Variants in SAMD11 observed in about 807,000 individuals in gnomAD.
SAMD11 encodes the protein sterile alpha motif domain-containing protein 11.
Under a neutral mutation model 64.4 loss-of-function variants are expected in SAMD11, and 77 were observed. The observed-to-expected ratio is 1.20, with a 90% CI of 0.99 to 1.44. SAMD11 has a LOEUF of 1.44. Ranked by LOEUF, SAMD11 falls within the 40% of genes most tolerant of loss-of-function variation. SAMD11 has a pLI of 0.00. For synonymous variants in SAMD11, 658 were observed against 421.9 expected (o/e 1.56, Z -6.86); for missense variants, 1,402 against 943.3 (o/e 1.49, Z -6.37).
chr1:941,388 G>GA, intron 8 of SAMD11, 82 bp downstream of exon 8: 2 of 1,339,480 alleles, frequency 1.5e-6, no homozygotes, highest in Non-Finnish European at 2.0e-6. Context: ...CACGCGCCCC[G>GA]AGAGTGCCAA....
intron 5 of SAMD11, among the ~76,000 whole-genome samples, chr1:937,648 C>T (rs1303785119): frequency 1.3e-5 from 2 of 152,150 alleles, no homozygotes; most frequent in African/African-American, 2.4e-5. Context: ...GAGACGATGG[C>T]TTCTCAGGGG....
rs1557612057 is a variant in SAMD11 at position 943,732 on chromosome 1, T to C, written c.2213T>C (p.Leu738Pro). 2 of 1,553,910 alleles carry C rather than the reference T, an allele frequency of 1.3e-6. No individual in the cohort carries two copies. Among genetic ancestry groups the C allele is most frequent in the Non-Finnish European group, 8.7e-7 (1 of 1,143,030 alleles). Residue 738 changes from leucine to proline, a missense_variant, in exon 13 of 14, where the codon CTG becomes CCG. By Grantham distance (98) the Leu-to-Pro change is moderately conservative (BLOSUM62 -3). Transcript: ENST00000616016. ...FREQGIDGET[L>P]PLLTEEHLLT... ...GAGCAGGGGATCGACGGGGAGACCCTGCCACTGCTGACGGAGGAGCACCTG... is the reference window on the plus strand; with the variant it reads ...GAGCAGGGGATCGACGGGGAGACCCCGCCACTGCTGACGGAGGAGCACCTG...
chr1:944,469 C>G lies in SAMD11; in HGVS notation c.*316C>G, dbSNP rs1205297956. 4 of 735,714 alleles carry G rather than the reference C, an allele frequency of 5.4e-6. No individual in the cohort carries two copies. The African/African-American group carries it at 7.3e-5, about 13-fold the overall frequency. 45.6% of individuals were successfully genotyped at this position (735,714 alleles called of 1,614,324 possible). On this transcript the variant is annotated 3_prime_UTR_variant, in exon 14 of 14. Transcript: ENST00000616016. ...AGGGTCAGCTCCCCCGCGGAGCTGACTTCAGCAGCCCACAGCTGTGGGGCT... is the reference window on the plus strand; with the variant it reads ...AGGGTCAGCTCCCCCGCGGAGCTGAGTTCAGCAGCCCACAGCTGTGGGGCT...
rs1557606911 is a variant in SAMD11 at position 939,010 on chromosome 1, TGCAGGTGGGCACTCACTACCCTCCC to T, written c.968-22_970del. 6.4e-7 allele frequency: 1 copy of T among 1,560,094 alleles called. No individual in the cohort carries two copies. The highest frequency in any genetic ancestry group is 2.3e-5 in the East Asian group (1 of 43,060). On this transcript the variant is annotated splice_region_variant and splice_polypyrimidine_tract_variant and intron_variant, in intron 5 of 13. Transcript: ENST00000616016. ...TGGGTTCCCCTTCCATTCCTTGAGA[TGCAGGTGGGCACTCACTACCCTCCC>T]GCAGGTGACCTGTTGGGCAAGAGGC...
chr1:923,941 G>A lies in SAMD11; in HGVS notation c.-491G>A, dbSNP rs1319601160. On this transcript the variant is annotated 5_prime_UTR_variant, in exon 1 of 14. Coordinates refer to ENST00000616016, the MANE Select transcript of SAMD11 (RefSeq NM_001385641.1). ...CGGCGTCGGCGGCGGAGTCTCCCAAGTCCCCGCCGGGCGGGCGCGCGCCAG... is the reference window on the plus strand; with the variant it reads ...CGGCGTCGGCGGCGGAGTCTCCCAAATCCCCGCCGGGCGGGCGCGCGCCAG... The A allele has an allele frequency of 6.6e-6, 1 of 151,070 alleles. No individual in the cohort carries two copies. The highest frequency in any genetic ancestry group is 1.5e-5 in the Non-Finnish European group (1 of 67,604). 9.4% of individuals were successfully genotyped at this position (151,070 alleles called of 1,614,324 possible).
chr1:932,261 C>T (rs1373174352), intron 4 of SAMD11, among the ~76,000 whole-genome samples: 1 of 152,160 alleles, frequency 6.6e-6, no homozygotes, highest in Non-Finnish European at 1.5e-5. Context: ...CAGCCGCGGT[C>T]CCCCCGACCC....
In SAMD11 at chr1:930,265, T is replaced by C. The variant is rs774782309; in HGVS notation, c.720T>C (p.Ser240=). The change falls in exon 3 of 14, where the codon AGT becomes AGC. Residue 240 remains serine, a synonymous_variant. Coordinates refer to ENST00000616016, the MANE Select transcript of SAMD11 (RefSeq NM_001385641.1). The part of the protein sequence containing the change: ...FSASDGDSDG[S]GPTCGRRPGL... ...CCAGCGATGGTGACAGCGACGGGAG[T>C]GGCCCCACCTGTGGGCGGCGGCCAG... 1.2e-6 allele frequency: 2 copies of C among 1,607,646 alleles called. No individual in the cohort carries two copies. The highest frequency in any genetic ancestry group is 1.7e-6 in the Non-Finnish European group (2 of 1,177,634).
Position 942,900 on chromosome 1 carries a change from C to T in SAMD11, c.1895C>T (p.Ser632Leu), listed in dbSNP as rs2100360836. 1 of 1,555,834 alleles carries T rather than the reference C, an allele frequency of 6.4e-7. No homozygotes were observed. The highest frequency in any genetic ancestry group is 8.7e-7 in the Non-Finnish European group (1 of 1,150,040). Reference sequence around the variant, plus strand: ...TCGGAAGACGAGCCCCCCAAAGACTCGGACGGAGAGGACCCCGAGACGGCA... The same window carrying T: ...TCGGAAGACGAGCCCCCCAAAGACTTGGACGGAGAGGACCCCGAGACGGCA... ...DGSEDEPPKD[S>L]DGEDPETAAV... The change falls in exon 11 of 14, where the codon TCG (serine) becomes TTG (leucine). Residue 632 changes from serine (S) to leucine (L), a missense_variant. Coordinates refer to ENST00000616016, the MANE Select transcript of SAMD11 (RefSeq NM_001385641.1).
intron 2 of SAMD11, 127 bp downstream of exon 2, chr1:926,140 C>G (rs1406125635): frequency 2.2e-6 from 2 of 898,196 alleles, no homozygotes; most frequent in South Asian, 2.8e-5. Flanking sequence ...AGGGAGCCTC[C>G]GAAGGGCAGG....
Position 942,228 on chromosome 1 carries a change from C to G in SAMD11, c.1451C>G (p.Pro484Arg), listed in dbSNP as rs200038862. ...CTCAGGCCCCCCTTCCTGGGGGTGCCCTCGGCTCTGTGCCAGACCCCAGGT... is the reference window on the plus strand; with the variant it reads ...CTCAGGCCCCCCTTCCTGGGGGTGCGCTCGGCTCTGTGCCAGACCCCAGGT... ...PHLRPPFLGV[P>R]SALCQTPGYG... is the part of the protein sequence containing the mutation. Residue 484 changes from proline (P) to arginine (R), a missense_variant, in exon 9 of 14, where the codon CCC becomes CGC. Pro to Arg is a moderately radical substitution (Grantham distance 103). Transcript: ENST00000616016. 2.9e-4 allele frequency: 396 copies of G among 1,353,380 alleles called. No homozygotes were observed. In the African/African-American group the frequency reaches 5.6e-3, roughly 19 times the overall value. The allele number at this position is 1,353,380 out of a possible 1,614,324, so 83.8% of individuals were successfully genotyped here. A position where few individuals can be genotyped will look rare whatever the true frequency, so the allele number is the denominator to read the frequency against.
chr1:925,628 G>C (rs28521172), intron 1 of SAMD11: 255,927 of 299,072 alleles, frequency 0.86, 115,461 homozygotes, highest in Non-Finnish European at 0.97. Flanking sequence ...CCGGCCTGCG[G>C]TTCCCTCGGG....
intron 4 of SAMD11, among the ~76,000 whole-genome samples, chr1:933,741 T>G (rs1398971019): frequency 6.6e-6 from 1 of 151,348 alleles, no homozygotes; most frequent in South Asian, 2.1e-4. Context: ...CCTATGTGCC[T>G]GGGGGGGGCT....
intron 5 of SAMD11, 64 bp from the exon 6 acceptor site, chr1:938,976 A>T: frequency 7.1e-7 from 1 of 1,416,296 alleles, no homozygotes; most frequent in Admixed American, 2.0e-5. Flanking sequence ...GCTGAGCTGG[A>T]GCAGGGGCTG....
At chr1:935,181 GCCCCCGCCTGC>G (rs1641364863) in intron 4 of SAMD11, among the ~76,000 whole-genome samples, 1 of 152,162 alleles carries the variant, frequency 6.6e-6, no homozygotes, top group Non-Finnish European at 1.5e-5. Flanking sequence ...TTGATTCCAA[GCCCCCGCCTGC>G]CGGGGGGACA....
chr1:940,256 C>T (rs556157869), intron 7 of SAMD11: 3,445 of 147,908 alleles, frequency 0.023, 58 homozygotes, highest in Non-Finnish European at 0.039. Context: ...GGAGGGGCGC[C>T]GGCCGCCGGG....
At chr1:940,081 G>C (rs1641664251) in intron 7 of SAMD11, among the ~76,000 whole-genome samples, 1 of 152,202 alleles carries the variant, frequency 6.6e-6, no homozygotes, top group Admixed American at 6.5e-5. Context: ...AGAGGTGGGT[G>C]GGGGCGCCGG....
At chr1:936,943 G>A (rs766425598) in intron 5 of SAMD11, among the ~76,000 whole-genome samples, 2 of 152,186 alleles carry the variant, frequency 1.3e-5, no homozygotes, top group East Asian at 1.9e-4. Context: ...AGGTACACGC[G>A]TGTGCGTGTG....
intron 11 of SAMD11, 35 bp downstream of exon 11, chr1:943,093 G>A (rs150568547): frequency 9.7e-6 from 15 of 1,552,986 alleles, no homozygotes; most frequent in East Asian, 4.6e-5. Flanking sequence ...CTTCCAGAGG[G>A]CACAGGACTG....
rs1048072439 is a variant in SAMD11, at chr1:930,437, C to T, written c.791+101C>T. ...TGAGAGTGTCCACACCGGCCTCCCACACCTTCCCTCAGATGCTGGTCTTTT... is the reference window on the plus strand; with the variant it reads ...TGAGAGTGTCCACACCGGCCTCCCATACCTTCCCTCAGATGCTGGTCTTTT... On this transcript the variant is annotated intron_variant, in intron 3 of 13. Coordinates refer to ENST00000616016, the MANE Select transcript of SAMD11 (RefSeq NM_001385641.1). The T allele has an allele frequency of 1.1e-5, 14 of 1,277,384 alleles. No homozygotes were observed. In the African/African-American group the frequency reaches 2.0e-4, roughly 18 times the overall value. 79.1% of individuals were successfully genotyped at this position (1,277,384 alleles called of 1,614,324 possible).
Sources: allele counts gnomAD v4.1 joint callset (sites outside exome capture counted in the v4.1 genomes callset), GRCh38; gene constraint gnomAD v4.1.1; transcripts MANE v1.5; gene names NCBI Gene and HGNC (gene_info 2026-07-23, HGNC 2026-07-21).